The following NCOA2 variants were observed in gnomAD, a reference collection of about 807,000 sequenced individuals.
NCOA2 encodes the protein class E basic helix-loop-helix protein 75.
NCOA2 carries 21 observed loss-of-function variants against 145.1 expected under a neutral mutation model. The observed-to-expected ratio is 0.14, with a 90% CI of 0.10 to 0.21. The LOEUF (loss-of-function observed/expected upper bound fraction) is 0.21, where lower values mean the gene tolerates loss of function less well. NCOA2 is among the 10% of genes least tolerant of loss of function. The probability of loss-of-function intolerance (pLI) is 1.00; values close to 1 mark genes in which losing one functional copy is unlikely to be tolerated. For synonymous variants in NCOA2, 619 were observed against 637.5 expected, an observed-to-expected ratio of 0.97 and a Z score of 0.44; for missense variants, 1,472 against 1,837.6, an observed-to-expected ratio of 0.80 and a Z score of 3.64.
At position 70,380,940 on chromosome 8, in the gene NCOA2, G is replaced by A. The variant is rs576745765; in HGVS notation, c.-77+22760C>T. Among the ~76,000 whole-genome samples the A allele has an allele frequency of 1.4e-4, 21 of 152,082 alleles. No homozygotes were observed. The South Asian group carries it at 3.3e-3, about 24-fold the overall frequency. On this transcript the variant is annotated intron_variant, in intron 1 of 22. Coordinates refer to ENST00000452400, the MANE Select transcript of NCOA2 (RefSeq NM_006540.4). ...AAATATAAAAAATTAACCAGGTGTG[G>A]TGGTGCCCGCCTGTGGTCCCGACTA... is the stretch of plus-strand genomic sequence containing the variant.
chr8:70,439,661 CA>C, the NCOA2 span, among the ~76,000 whole-genome samples: 1 of 138,420 alleles, frequency 7.2e-6, no homozygotes, highest in African/African-American at 3.0e-5. Context: ...ATAGCAGAGG[CA>C]TTCCCAGGGT....
In NCOA2 at chr8:70,138,246, T is replaced by C; in HGVS notation, c.3115A>G (p.Ser1039Gly). 2 of 1,613,832 alleles carry C rather than the reference T, an allele frequency of 1.2e-6. No individual in the cohort carries two copies. Among genetic ancestry groups the C allele is most frequent in the Non-Finnish European group, 1.7e-6 (2 of 1,179,792 alleles). Residue 1039 changes from serine to glycine, a missense_variant, in exon 15 of 23, where the codon AGC becomes GGC. By Grantham distance (56) the Ser-to-Gly change is moderately conservative. Transcript: ENST00000452400. ...GACGCCTGGTCTATAGGCAGGATGC[T>C]TTCAGGCCATGGGGCAGTCTGATTT... ...PPNQTAPWPE[S>G]ILPIDQASFA... is the part of the protein sequence containing the mutation.
At chr8:70,453,089 A>G in the NCOA2 span, among the ~76,000 whole-genome samples, 32 of 151,974 alleles carry the variant, frequency 2.1e-4, no homozygotes, top group African/African-American at 7.7e-4. Context: ...GCCCCAACCT[A>G]ACAAACTTTT....
At chr8:70,240,505 G>T (rs1822031785) in intron 2 of NCOA2, among the ~76,000 whole-genome samples, 1 of 151,954 alleles carries the variant, frequency 6.6e-6, no homozygotes, top group African/African-American at 2.4e-5. Flanking sequence ...TCTCTTTAGG[G>T]CCACATTTTT....
chr8:70,162,490 G>A (rs938836998), intron 9 of NCOA2, among the ~76,000 whole-genome samples: 10 of 152,038 alleles, frequency 6.6e-5, no homozygotes, highest in Non-Finnish European at 1.3e-4. Flanking sequence ...TCCTCCTTTT[G>A]CCTGCCTCTG....
chr8:70,310,779 T>G (rs150402350), intron 1 of NCOA2, among the ~76,000 whole-genome samples: 3 of 152,328 alleles, frequency 2.0e-5, no homozygotes, highest in African/African-American at 7.2e-5. Context: ...AAAATAATTT[T>G]TAACTGCTCC....
chr8:70,455,581 C>CTT, the NCOA2 span, among the ~76,000 whole-genome samples: 1 of 151,732 alleles, frequency 6.6e-6, no homozygotes, highest in Non-Finnish European at 1.5e-5. Context: ...GATTAACAAC[C>CTT]ACTGAAGAGT....
At chr8:70,206,652 C>T (rs972129505) in intron 4 of NCOA2, among the ~76,000 whole-genome samples, 1 of 152,050 alleles carries the variant, frequency 6.6e-6, no homozygotes, top group African/African-American at 2.4e-5. Context: ...TTTAATGTTA[C>T]CCTCTCCAAA....
At chr8:70,430,380 C>T in the NCOA2 span, among the ~76,000 whole-genome samples, 1 of 152,154 alleles carries the variant, frequency 6.6e-6, no homozygotes, top group Non-Finnish European at 1.5e-5. Context: ...TTTACTTTTA[C>T]AATAGCACTA....
At chr8:70,380,130 AAAAT>A (rs1437019030) in intron 1 of NCOA2, among the ~76,000 whole-genome samples, 1 of 152,224 alleles carries the variant, frequency 6.6e-6, no homozygotes, top group Non-Finnish European at 1.5e-5. Context: ...GGAAAGAAAG[AAAAT>A]AAATATCAGT....
chr8:70,349,533 C>G (rs1042795317), intron 1 of NCOA2, among the ~76,000 whole-genome samples: 4 of 151,948 alleles, frequency 2.6e-5, no homozygotes, highest in Admixed American at 2.0e-4. Context: ...TAGCAAACTC[C>G]GTATAGAAGG....
chr8:70,325,521 C>T (rs1171675941), intron 1 of NCOA2, among the ~76,000 whole-genome samples: 3 of 151,840 alleles, frequency 2.0e-5, no homozygotes, highest in Non-Finnish European at 4.4e-5. Flanking sequence ...CCTCCTCTGG[C>T]TCAGGTGATC....
At position 70,280,295 on chromosome 8, in the gene NCOA2, T is replaced by G. The variant is rs139833357; in HGVS notation, c.-20+16449A>C. ...AGAATCCTAAGACCCTGGGAAATTG[T>G]GACATCTGAAGCTTTCAACCTATAA... On this transcript the variant is annotated intron_variant, in intron 2 of 22. Transcript: ENST00000452400. Among the ~76,000 whole-genome samples the G allele has an allele frequency of 8.7e-4, 132 of 152,298 alleles. 1 individual carries two copies. The highest frequency in any genetic ancestry group is 3.1e-3 in the African/African-American group (128 of 41,582).
At chr8:70,325,602 C>T (rs1179333623) in intron 1 of NCOA2, among the ~76,000 whole-genome samples, 5 of 151,976 alleles carry the variant, frequency 3.3e-5, no homozygotes, top group Non-Finnish European at 7.4e-5. Flanking sequence ...GGGATTTCGC[C>T]GTGTCACCCA....
chr8:70,261,823 T>G (rs942494945), intron 2 of NCOA2, among the ~76,000 whole-genome samples: 2 of 152,044 alleles, frequency 1.3e-5, no homozygotes, highest in African/African-American at 4.8e-5. Flanking sequence ...AAGGTGACTC[T>G]TCAAAGCTAA....
chr8:70,391,832 T>C (rs552927169), intron 1 of NCOA2, among the ~76,000 whole-genome samples: 5 of 152,354 alleles, frequency 3.3e-5, no homozygotes, highest in African/African-American at 9.6e-5. Flanking sequence ...TGGGGACAGC[T>C]TGAAAAACTG....
At chr8:70,221,949 C>T (rs886171608) in intron 2 of NCOA2, among the ~76,000 whole-genome samples, 1 of 151,958 alleles carries the variant, frequency 6.6e-6, no homozygotes, top group African/African-American at 2.4e-5. Flanking sequence ...GTATTATTTC[C>T]TCCCAAGTGT....
intron 2 of NCOA2, among the ~76,000 whole-genome samples, chr8:70,284,037 G>T (rs1826067291): frequency 6.6e-6 from 1 of 152,130 alleles, no homozygotes; most frequent in Non-Finnish European, 1.5e-5. Context: ...CTCCATGTTA[G>T]AAACAGCCCC....
chr8:70,276,783 G>A (rs1370729972), intron 2 of NCOA2, among the ~76,000 whole-genome samples: 5 of 152,018 alleles, frequency 3.3e-5, no homozygotes, highest in Non-Finnish European at 7.4e-5. Context: ...TCATAGCAGC[G>A]TGAGGACTAA....
Sources: allele counts gnomAD v4.1 joint callset (sites outside exome capture counted in the v4.1 genomes callset), GRCh38; gene constraint gnomAD v4.1.1; transcripts MANE v1.5; gene names NCBI Gene and HGNC (gene_info 2026-07-23, HGNC 2026-07-21).